MECOM: variants seen among roughly 807,000 people sequenced by gnomAD.
MECOM encodes histone-lysine N-methyltransferase MECOM.
MECOM carries 13 observed loss-of-function variants against 116.3 expected under a neutral mutation model. That is an observed-to-expected ratio of 0.11 (90% CI 0.07 to 0.18). MECOM has a LOEUF of 0.18. Among genes scored for constraint, MECOM ranks in the 10% least tolerant of loss-of-function variants. The probability of loss-of-function intolerance (pLI) is 1.00; values close to 1 mark genes in which losing one functional copy is unlikely to be tolerated. For synonymous variants in MECOM, 528 were observed against 535.2 expected (o/e 0.99, Z 0.19); for missense variants, 1,299 against 1,509.0 (o/e 0.86, Z 2.31).
At chr3:169,435,288 T>C (rs1247219427) in intron 1 of MECOM, among the ~76,000 whole-genome samples, 1 of 152,206 alleles carries the variant, frequency 6.6e-6, no homozygotes, top group African/African-American at 2.4e-5. Context: ...AAAACATTTG[T>C]TCCCGTGACA....
intron 1 of MECOM, among the ~76,000 whole-genome samples, chr3:169,423,879 C>T (rs1578058369): frequency 6.6e-6 from 1 of 152,050 alleles, no homozygotes; most frequent in Non-Finnish European, 1.5e-5. Flanking sequence ...ATTAATTAAG[C>T]CATCATTAAT....
intron 1 of MECOM, among the ~76,000 whole-genome samples, chr3:169,534,070 C>G (rs1759012947): frequency 6.6e-6 from 1 of 152,170 alleles, no homozygotes; most frequent in African/African-American, 2.4e-5. Context: ...ACCAGAGATA[C>G]CTAGAGTGCT....
chr3:169,320,380 G>A (rs1243085262), intron 2 of MECOM, among the ~76,000 whole-genome samples: 4 of 152,196 alleles, frequency 2.6e-5, no homozygotes. Flanking sequence ...AAGTGATGTT[G>A]AAGACATACA....
chr3:169,596,118 C>T (rs182944997), intron 1 of MECOM, among the ~76,000 whole-genome samples: 2 of 152,300 alleles, frequency 1.3e-5, no homozygotes, highest in East Asian at 3.9e-4. Context: ...GACAACTTCT[C>T]CATTTTCTCA....
chr3:169,635,540 C>G (rs1434380822), intron 1 of MECOM, among the ~76,000 whole-genome samples: 2 of 152,216 alleles, frequency 1.3e-5, no homozygotes, highest in African/African-American at 4.8e-5. Context: ...AATTCTCTGA[C>G]TCAGCTCACA....
intron 1 of MECOM, among the ~76,000 whole-genome samples, chr3:169,519,301 G>A (rs1483921945): frequency 1.3e-5 from 2 of 152,152 alleles, no homozygotes; most frequent in Non-Finnish European, 2.9e-5. Flanking sequence ...TATAGACAGA[G>A]ACTGATAATG....
chr3:169,544,857 C>G (rs1760522261), intron 1 of MECOM, among the ~76,000 whole-genome samples: 1 of 151,994 alleles, frequency 6.6e-6, no homozygotes, highest in Admixed American at 6.6e-5. Flanking sequence ...ACAAAACACA[C>G]CAGGGCCTGT....
At chr3:169,534,763 A>G (rs911543172) in intron 1 of MECOM, among the ~76,000 whole-genome samples, 7 of 152,058 alleles carry the variant, frequency 4.6e-5, no homozygotes, top group Admixed American at 3.3e-4. Context: ...CCCCATCCCT[A>G]TTTTACAGAG....
At chr3:169,299,952 C>T (rs143405562) in intron 2 of MECOM, among the ~76,000 whole-genome samples, 163 of 152,228 alleles carry the variant, frequency 1.1e-3, no homozygotes, top group Non-Finnish European at 1.5e-3. Flanking sequence ...CCTTCCATAT[C>T]ATTTCACTTT....
chr3:169,302,212 C>T (rs1716860250), intron 2 of MECOM, among the ~76,000 whole-genome samples: 1 of 152,186 alleles, frequency 6.6e-6, no homozygotes, highest in African/African-American at 2.4e-5. Context: ...AGACACATGT[C>T]CATGTATCAA....
intron 16 of MECOM, 27 bp downstream of exon 16, chr3:169,088,973 G>T: frequency 6.8e-7 from 1 of 1,470,358 alleles, no homozygotes; most frequent in Non-Finnish European, 9.0e-7. Context: ...ATGTAACCAT[G>T]ATGCTGTACT....
intron 1 of MECOM, among the ~76,000 whole-genome samples, chr3:169,433,679 A>AAGAAAG (rs1553851681): frequency 2.0e-5 from 3 of 146,770 alleles, no homozygotes; most frequent in African/African-American, 7.5e-5. Flanking sequence ...GAAAGAAAGA[A>AAGAAAG]AGAAAGAAAG....
chr3:169,572,243 C>T (rs538728312), intron 1 of MECOM, among the ~76,000 whole-genome samples: 4 of 152,276 alleles, frequency 2.6e-5, no homozygotes, highest in Non-Finnish European at 5.9e-5. Context: ...TGAAAAAAAG[C>T]TTATCATCAC....
In MECOM at chr3:169,500,613, A is replaced by G. The variant is rs1344902703; in HGVS notation, c.38-119089T>C. On this transcript the variant is annotated intron_variant, in intron 1 of 16. Transcript: ENST00000651503. Reference sequence around the variant, plus strand: ...AACACATATCATTTTCTATTGCTTTATCAGGCAAAAACAAATGTTTTAAAA... The same window carrying G: ...AACACATATCATTTTCTATTGCTTTGTCAGGCAAAAACAAATGTTTTAAAA... Among the ~76,000 whole-genome samples, 3 of 152,098 alleles carry G rather than the reference A, an allele frequency of 2.0e-5. No homozygotes were observed. In the East Asian group the frequency reaches 5.8e-4, roughly 29 times the overall value.
At chr3:169,213,078 AT>A (rs978207841) in intron 2 of MECOM, among the ~76,000 whole-genome samples, 25 of 114,014 alleles carry the variant, frequency 2.2e-4, no homozygotes, top group South Asian at 9.7e-4. Context: ...TTTCTTTTTT[AT>A]TTTTTTTAAT....
intron 1 of MECOM, among the ~76,000 whole-genome samples, chr3:169,477,954 T>C (rs1294746141): frequency 1.3e-5 from 2 of 152,214 alleles, no homozygotes; most frequent in Non-Finnish European, 2.9e-5. Flanking sequence ...GCCTGTCGGA[T>C]AGACAATTAA....
intron 2 of MECOM, among the ~76,000 whole-genome samples, chr3:169,167,801 C>T (rs1450244003): frequency 6.6e-6 from 1 of 151,790 alleles, no homozygotes; most frequent in Non-Finnish European, 1.5e-5. Flanking sequence ...ACACACACAG[C>T]TTCAAAATTG....
chr3:169,267,528 C>A (rs909777184), intron 2 of MECOM, among the ~76,000 whole-genome samples: 1 of 152,028 alleles, frequency 6.6e-6, no homozygotes, highest in African/African-American at 2.4e-5. Flanking sequence ...AGAAAGGGAC[C>A]TGTGGGGCTG....
chr3:169,405,262 T>G (rs1278499347), intron 1 of MECOM, among the ~76,000 whole-genome samples: 1 of 151,992 alleles, frequency 6.6e-6, no homozygotes, highest in African/African-American at 2.4e-5. Flanking sequence ...TCTCTCTCTC[T>G]CATTAGATCT....
Sources: gnomAD v4.1 joint callset for allele counts (sites outside exome capture counted in the v4.1 genomes callset) on GRCh38, gnomAD v4.1.1 for gene constraint, MANE v1.5 for transcripts, NCBI Gene and HGNC (gene_info 2026-07-23, HGNC 2026-07-21) for gene names.